The following ARHGEF33 variants were observed in gnomAD, a reference collection of about 807,000 sequenced individuals.
ARHGEF33 encodes the protein Rho guanine nucleotide exchange factor 33.
A neutral mutation model predicts 101.9 loss-of-function variants in ARHGEF33; 72 were observed. The ratio of observed to expected loss-of-function variants is 0.71; its 90% confidence interval spans 0.58 to 0.86. The LOEUF is 0.86. Among genes scored for constraint, ARHGEF33 ranks in the 40% least tolerant of loss-of-function variants. ARHGEF33 has a pLI of 0.00. For synonymous variants in ARHGEF33, 499 were observed against 442.5 expected, an observed-to-expected ratio of 1.13 and a Z score of -1.60; for missense variants, 1,169 against 1,111.3, an observed-to-expected ratio of 1.05 and a Z score of -0.74.
intron 8 of ARHGEF33, 64 bp from the exon 9 acceptor site, chr2:38,937,271 A>G: frequency 2.4e-6 from 2 of 824,132 alleles, no homozygotes; most frequent in East Asian, 5.4e-5. Context: ...TAACAAACAT[A>G]TTTTTTAAAA....
intron 2 of ARHGEF33, among the ~76,000 whole-genome samples, chr2:38,908,621 G>A (rs1666444706): frequency 1.3e-5 from 2 of 152,152 alleles, no homozygotes; most frequent in South Asian, 4.1e-4. Flanking sequence ...AAGGATCTTT[G>A]TTATTTCACT....
At chr2:38,946,759 G>A (rs1284461671) in intron 10 of ARHGEF33, among the ~76,000 whole-genome samples, 1 of 152,122 alleles carries the variant, frequency 6.6e-6, no homozygotes, top group Non-Finnish European at 1.5e-5. Flanking sequence ...CTGAGTAGCT[G>A]AGATTACAGG....
chr2:38,960,435 A>G lies in ARHGEF33; in HGVS notation c.2130A>G (p.Lys710=). ...GKAKPLSRSL[K]EFPRAPPADG... ...CCAAGCCGCTGAGCCGCTCTCTCAA[A>G]GAGTTCCCGCGTGCGCCGCCAGCCG... Residue 710 remains lysine (K), a synonymous_variant, in exon 16 of 18, where the codon AAA becomes AAG. Transcript: ENST00000409978. 2 of 1,506,950 alleles carry G rather than the reference A, an allele frequency of 1.3e-6. No individual in the cohort carries two copies. Among genetic ancestry groups the G allele is most frequent in the Non-Finnish European group, 1.8e-6 (2 of 1,134,618 alleles). 93.3% of individuals were successfully genotyped at this position (1,506,950 alleles called of 1,614,324 possible). A position where few individuals can be genotyped will look rare whatever the true frequency, so the allele number is the denominator to read the frequency against.
intron 2 of ARHGEF33, among the ~76,000 whole-genome samples, chr2:38,918,867 C>CCCAT (rs1156457348): frequency 6.8e-6 from 1 of 146,912 alleles, no homozygotes; most frequent in Non-Finnish European, 1.5e-5. Flanking sequence ...ATAGGGAGAC[C>CCCAT]CCATCTCTAC....
intron 17 of ARHGEF33, 58 bp from the exon 18 acceptor site, chr2:38,973,656 A>G (rs1261795843): frequency 2.1e-6 from 3 of 1,426,806 alleles, no homozygotes; most frequent in African/African-American, 2.9e-5. Flanking sequence ...AGATAAAAAT[A>G]TTTGAAAACA....
chr2:38,889,884 G>A lies in ARHGEF33; in HGVS notation c.-261G>A. 1 of 470,798 alleles carries A rather than the reference G, an allele frequency of 2.1e-6. No homozygotes were observed. Among genetic ancestry groups the A allele is most frequent in the South Asian group, 1.6e-5 (1 of 64,506 alleles). The allele number at this position is 470,798 out of a possible 1,614,324, so 29.2% of individuals were successfully genotyped here. ...AGCATACTACGGTCTCGTTTCAGGG[G>A]AAGTCAAGCCTCTCTACTGCTTCTT... On this transcript the variant is annotated 5_prime_UTR_variant, in exon 1 of 18. Coordinates refer to ENST00000409978, the MANE Select transcript of ARHGEF33 (RefSeq NM_001145451.5).
At chr2:38,932,059 A>T (rs1667016835) in intron 7 of ARHGEF33, among the ~76,000 whole-genome samples, 1 of 152,184 alleles carries the variant, frequency 6.6e-6, no homozygotes, top group African/African-American at 2.4e-5. Flanking sequence ...TGAATCTAAA[A>T]ATCTAAATCA....
At chr2:38,953,058 G>T (rs574841616) in intron 11 of ARHGEF33, 104 bp from the exon 12 acceptor site, 1 of 652,918 alleles carries the variant, frequency 1.5e-6, no homozygotes, top group Admixed American at 2.6e-5. Flanking sequence ...AAATGAATAA[G>T]ATAATCTCTG....
intron 17 of ARHGEF33, among the ~76,000 whole-genome samples, chr2:38,971,563 A>G (rs1317662040): frequency 6.6e-6 from 1 of 152,230 alleles, no homozygotes; most frequent in Non-Finnish European, 1.5e-5. Context: ...GCACTACTTC[A>G]GAGCCTAATG....
intron 17 of ARHGEF33, chr2:38,971,825 A>G (rs2305516): frequency 0.92 from 664,189 of 718,558 alleles, 307,687 homozygotes; most frequent in African/African-American, 0.96. Context: ...AGCTGAGTTT[A>G]TGGACTTTGA....
chr2:38,939,387 A>G (rs1667242072), intron 9 of ARHGEF33, among the ~76,000 whole-genome samples: 1 of 152,134 alleles, frequency 6.6e-6, no homozygotes, highest in Non-Finnish European at 1.5e-5. Flanking sequence ...GATTATGTTT[A>G]ACTTTAAAAG....
rs991051162 is a variant in ARHGEF33, at chr2:38,960,108, C to G, written c.1803C>G (p.Leu601=). The G allele has an allele frequency of 6.5e-7, 1 of 1,542,350 alleles. No homozygotes were observed. The highest frequency in any genetic ancestry group is 8.7e-7 in the Non-Finnish European group (1 of 1,145,340). ...VERSLRAPAE[L]LPDARGFVPA... ...GCTCCCTGCGCGCCCCGGCCGAGCT[C>G]CTGCCCGATGCCCGCGGCTTCGTGC... The change falls in exon 16 of 18, where the codon CTC becomes CTG. Residue 601 remains leucine (L), a synonymous_variant. Transcript: ENST00000409978.
At chr2:38,919,256 T>C (rs750449014) in intron 2 of ARHGEF33, 107 bp from the exon 3 acceptor site, 1 of 547,294 alleles carries the variant, frequency 1.8e-6, no homozygotes, top group South Asian at 2.9e-5. Context: ...TGAAATTGCA[T>C]GTACCTCAAG....
chr2:38,942,683 T>G (rs773791516), intron 9 of ARHGEF33, among the ~76,000 whole-genome samples: 18 of 152,200 alleles, frequency 1.2e-4, no homozygotes, highest in Admixed American at 4.6e-4. Flanking sequence ...TTTATTCTTT[T>G]GTATCCTGCA....
intron 7 of ARHGEF33, among the ~76,000 whole-genome samples, chr2:38,931,478 G>A (rs1369176840): frequency 6.6e-6 from 1 of 151,912 alleles, no homozygotes; most frequent in Non-Finnish European, 1.5e-5. Context: ...TACTAATCTG[G>A]ATACTTCTAA....
intron 2 of ARHGEF33, among the ~76,000 whole-genome samples, chr2:38,913,908 TAA>T (rs373042091): frequency 6.8e-6 from 1 of 147,796 alleles, no homozygotes. Flanking sequence ...ACTCCTTGGT[TAA>T]AAAAAAAAGG....
At chr2:38,935,746 G>T (rs945421971) in intron 7 of ARHGEF33, 29 bp from the exon 8 acceptor site, 3 of 1,545,676 alleles carry the variant, frequency 1.9e-6, no homozygotes, top group South Asian at 2.4e-5. Context: ...TGGAATGAAC[G>T]CTGAATGAAT....
intron 10 of ARHGEF33, 89 bp downstream of exon 10, chr2:38,944,119 C>A: frequency 1.5e-6 from 2 of 1,343,186 alleles, no homozygotes; most frequent in Non-Finnish European, 1.0e-6. Context: ...TTTCTGGGGC[C>A]TATGAAGAGT....
chr2:38,935,678 A>G (rs1024775000), intron 7 of ARHGEF33, 97 bp from the exon 8 acceptor site: 33 of 920,954 alleles, frequency 3.6e-5, no homozygotes, highest in Non-Finnish European at 4.5e-5. Context: ...CCATGAAACT[A>G]CAATCTCTGA....
Sources: allele counts gnomAD v4.1 joint callset (sites outside exome capture counted in the v4.1 genomes callset), GRCh38; gene constraint gnomAD v4.1.1; transcripts MANE v1.5; gene names NCBI Gene and HGNC (gene_info 2026-07-23, HGNC 2026-07-21).